Variants in MYH14 observed in about 807,000 individuals in gnomAD.
MYH14 encodes myosin-14.
Under a neutral mutation model 255.5 loss-of-function variants are expected in MYH14, and 123 were observed. The observed-to-expected ratio is 0.48, with a 90% confidence interval of 0.42 to 0.56. The LOEUF (loss-of-function observed/expected upper bound fraction) is 0.56, where lower values mean the gene tolerates loss of function less well. Among genes scored for constraint, MYH14 ranks in the 20% least tolerant of loss-of-function variants. The pLI, the probability that MYH14 is intolerant of heterozygous loss-of-function variation, is 0.00. For missense variants in MYH14, 2,423 were observed against 2,802.3 expected (o/e 0.86, Z 3.06); for synonymous variants, 1,095 against 1,161.2 (o/e 0.94, Z 1.16).
In MYH14 at chr19:50,249,091, C is replaced by T. The variant is rs1487717660; in HGVS notation, c.1434C>T (p.Gly478=). The T allele has an allele frequency of 1.2e-6, 2 of 1,602,934 alleles. No homozygotes were observed. Among genetic ancestry groups the T allele is most frequent in the Non-Finnish European group, 1.7e-6 (2 of 1,175,122 alleles). The change falls in exon 13 of 43, where the codon GGC becomes GGT. Residue 478 remains glycine, a synonymous_variant. Transcript: ENST00000642316. Reference sequence around the variant, plus strand: ...CCTTGGACCGCAGCCCCCGCCAAGGCGCCTCCTTCCTGGGCATCCTGGACA... The same window carrying T: ...CCTTGGACCGCAGCCCCCGCCAAGGTGCCTCCTTCCTGGGCATCCTGGACA... The part of the protein sequence containing the change: ...NRALDRSPRQ[G]ASFLGILDIA...
chr19:50,308,033 T>A (rs1241441841), intron 41 of MYH14, among the ~76,000 whole-genome samples: 24 of 152,104 alleles, frequency 1.6e-4, no homozygotes, highest in Admixed American at 1.6e-3. Context: ...AACAAGCAGA[T>A]AATTACAGAT....
chr19:50,223,904 T>G (rs760661979), intron 5 of MYH14, among the ~76,000 whole-genome samples: 14 of 152,106 alleles, frequency 9.2e-5, no homozygotes, highest in Non-Finnish European at 1.6e-4. Context: ...GCCCAGGAAT[T>G]CAAGACCAGC....
intron 11 of MYH14, among the ~76,000 whole-genome samples, chr19:50,246,242 C>T (rs995910116): frequency 1.3e-5 from 2 of 151,706 alleles, no homozygotes; most frequent in African/African-American, 4.8e-5. Flanking sequence ...TGGGTTCAAG[C>T]GATTCTCCCT....
At chr19:50,272,025 C>A in intron 26 of MYH14, 53 bp downstream of exon 26, 1 of 1,581,704 alleles carries the variant, frequency 6.3e-7, no homozygotes, top group East Asian at 2.3e-5. Context: ...TGGGGGACCT[C>A]AGGCAAGCCC....
chr19:50,295,193 C>T (rs551596290), intron 39 of MYH14, among the ~76,000 whole-genome samples: 4 of 151,826 alleles, frequency 2.6e-5, no homozygotes, highest in East Asian at 1.9e-4. Flanking sequence ...GGCATGGTGG[C>T]ATGTACCTGT....
chr19:50,246,912 C>T, intron 11 of MYH14, 92 bp from the exon 12 acceptor site: 4 of 876,418 alleles, frequency 4.6e-6, no homozygotes, highest in Non-Finnish European at 7.2e-6. Context: ...CTTCTGCTCC[C>T]CCAACAGTGT....
intron 2 of MYH14, among the ~76,000 whole-genome samples, chr19:50,213,934 C>T (rs143755650): frequency 1.3e-5 from 2 of 152,338 alleles, no homozygotes; most frequent in Non-Finnish European, 2.9e-5. Context: ...AAGTGATCCT[C>T]CTGCCTCAGC....
At chr19:50,242,733 C>G (rs1205804175) in intron 10 of MYH14, among the ~76,000 whole-genome samples, 3 of 152,158 alleles carry the variant, frequency 2.0e-5, no homozygotes, top group Non-Finnish European at 4.4e-5. Context: ...ACCATGAAAT[C>G]AGTACTCCTG....
intron 10 of MYH14, among the ~76,000 whole-genome samples, chr19:50,235,048 A>G (rs1013203390): frequency 6.6e-6 from 1 of 151,980 alleles, no homozygotes; most frequent in African/African-American, 2.4e-5. Context: ...CTGTGGTGAT[A>G]AAAAAAATGT....
chr19:50,222,094 C>T (rs1415612999), intron 3 of MYH14, among the ~76,000 whole-genome samples: 1 of 152,152 alleles, frequency 6.6e-6, no homozygotes, highest in Non-Finnish European at 1.5e-5. Flanking sequence ...GCCCATGGAG[C>T]TCTCCTCTCT....
At chr19:50,262,339 C>G (rs1337388252) in intron 21 of MYH14, among the ~76,000 whole-genome samples, 1 of 152,070 alleles carries the variant, frequency 6.6e-6, no homozygotes, top group East Asian at 1.9e-4. Context: ...GGGCGGATCA[C>G]TTGAGGTCAG....
chr19:50,251,919 G>A (rs1027958695), intron 15 of MYH14, among the ~76,000 whole-genome samples: 2 of 152,088 alleles, frequency 1.3e-5, no homozygotes, highest in African/African-American at 4.8e-5. Flanking sequence ...TGGCAGGCTG[G>A]ATTTTGCCTG....
At chr19:50,259,110 C>T (rs2123340952) in intron 18 of MYH14, 34 bp from the exon 19 acceptor site, 3 of 1,536,244 alleles carry the variant, frequency 2.0e-6, no homozygotes, top group South Asian at 2.4e-5. Context: ...GTGTGGCCGC[C>T]GCTGACCCCC....
In MYH14 at chr19:50,293,218, C is replaced by G. The variant is rs1490348654; in HGVS notation, c.5257-15C>G. 6.3e-7 allele frequency: 1 copy of G among 1,588,580 alleles called. No homozygotes were observed. The highest frequency in any genetic ancestry group is 2.3e-5 in the East Asian group (1 of 43,656). On this transcript the variant is annotated splice_polypyrimidine_tract_variant and intron_variant, in intron 37 of 42. Coordinates refer to ENST00000642316, the MANE Select transcript of MYH14 (RefSeq NM_001145809.2). This position sits in a 1 kb window ranked among gnomAD's most constrained non-coding sequence, Gnocchi z 4.1. ...CTTCTCCTCACACCCACCGGCCACC[C>G]CTCCATCATCACAGGAACTGGCCGC...
intron 11 of MYH14, among the ~76,000 whole-genome samples, chr19:50,246,571 G>C (rs150562475): frequency 8.4e-4 from 128 of 152,208 alleles, no homozygotes; most frequent in African/African-American, 3.0e-3. Flanking sequence ...GTAGTGAGCT[G>C]AGATTGCATC....
chr19:50,305,173 G>A (rs1382232183), intron 40 of MYH14, among the ~76,000 whole-genome samples: 1 of 151,984 alleles, frequency 6.6e-6, no homozygotes, highest in African/African-American at 2.4e-5. Flanking sequence ...GGCTAAGGTG[G>A]GAATGGATCA....
intron 34 of MYH14, among the ~76,000 whole-genome samples, chr19:50,289,174 G>A (rs941034941): frequency 1.5e-4 from 23 of 152,108 alleles, no homozygotes; most frequent in African/African-American, 4.3e-4. Flanking sequence ...CCTAACAGAC[G>A]CTTGTATTGG....
At chr19:50,301,534 T>C in intron 39 of MYH14, 127 bp from the exon 40 acceptor site, 1 of 647,218 alleles carries the variant, frequency 1.5e-6, no homozygotes, top group Non-Finnish European at 2.7e-6. Context: ...GTATTTAGTA[T>C]GTTTCAGGCT....
At chr19:50,265,870 C>G (rs1479737596) in intron 22 of MYH14, among the ~76,000 whole-genome samples, 3 of 151,888 alleles carry the variant, frequency 2.0e-5, no homozygotes, top group South Asian at 2.1e-4. Context: ...TAAAAAACAG[C>G]CAGGGTGGCC....
Sources: allele counts gnomAD v4.1 joint callset (sites outside exome capture counted in the v4.1 genomes callset), GRCh38; gene constraint gnomAD v4.1.1; non-coding constraint Gnocchi (gnomAD v3.1); transcripts MANE v1.5; gene names NCBI Gene and HGNC (gene_info 2026-07-23, HGNC 2026-07-21).